The following PACS1 variants were observed in gnomAD, a reference collection of about 807,000 sequenced individuals.
The protein encoded by PACS1 is phosphofurin acidic cluster sorting protein 1.
Under a neutral mutation model 115.0 loss-of-function variants are expected in PACS1, and 24 were observed. The observed-to-expected ratio is 0.21, with a 90% CI of 0.15 to 0.29. PACS1 has a LOEUF of 0.29. Among genes scored for constraint, PACS1 ranks in the 10% least tolerant of loss-of-function variants. The pLI is 1.00. For synonymous variants in PACS1, 453 were observed against 504.5 expected (o/e 0.90, Z 1.37); for missense variants, 838 against 1,251.2 (o/e 0.67, Z 4.98).
At chr11:66,176,483 G>A (rs986189378) in intron 1 of PACS1, among the ~76,000 whole-genome samples, 2 of 148,842 alleles carry the variant, frequency 1.3e-5, no homozygotes, top group Admixed American at 6.7e-5. Flanking sequence ...GCGTGATCTC[G>A]GCTCACTGCA....
chr11:66,088,240 A>G (rs575726210), intron 1 of PACS1, among the ~76,000 whole-genome samples: 3 of 152,030 alleles, frequency 2.0e-5, no homozygotes, highest in East Asian at 1.9e-4. Flanking sequence ...GTGTCTTTCA[A>G]TGAACAGAAA....
intron 1 of PACS1, among the ~76,000 whole-genome samples, chr11:66,136,262 A>AACACACAC (rs71270571): frequency 2.1e-5 from 3 of 143,700 alleles, no homozygotes; most frequent in South Asian, 2.2e-4. Context: ...CAATCCCGCT[A>AACACACAC]ACACACACAC....
At chr11:66,220,052 C>T (rs1030258885) in intron 8 of PACS1, among the ~76,000 whole-genome samples, 6 of 152,098 alleles carry the variant, frequency 3.9e-5, no homozygotes, top group African/African-American at 4.8e-5. Flanking sequence ...TGGTGATGCG[C>T]AAGCCTCTGG....
chr11:66,128,808 C>T (rs551247098), intron 1 of PACS1, among the ~76,000 whole-genome samples: 5 of 151,006 alleles, frequency 3.3e-5, no homozygotes, highest in Admixed American at 6.6e-5. Flanking sequence ...CACTTGAACC[C>T]GTGAGGCGGA....
chr11:66,220,431 C>CT, intron 8 of PACS1, 200 bp from the exon 9 acceptor site: 1 of 581,066 alleles, frequency 1.7e-6, no homozygotes, highest in South Asian at 2.1e-5. Flanking sequence ...GTGGCAGGAA[C>CT]TGGGGGGAAG....
intron 1 of PACS1, among the ~76,000 whole-genome samples, chr11:66,132,097 C>A (rs1024182081): frequency 1.3e-5 from 2 of 152,156 alleles, no homozygotes; most frequent in African/African-American, 4.8e-5. Context: ...CCACTCAAAT[C>A]TCATCTTGAA....
At chr11:66,123,597 C>T (rs1293269721) in intron 1 of PACS1, among the ~76,000 whole-genome samples, 1 of 152,064 alleles carries the variant, frequency 6.6e-6, no homozygotes, top group Admixed American at 6.6e-5. Flanking sequence ...TCTCGGCTCA[C>T]TGCAAGCTCC....
intron 1 of PACS1, among the ~76,000 whole-genome samples, chr11:66,098,757 C>T (rs979567418): frequency 6.6e-6 from 1 of 152,162 alleles, no homozygotes; most frequent in African/African-American, 2.4e-5. Context: ...CTTTGTCATC[C>T]CGGTTGTTCT....
chr11:66,097,804 C>T (rs1857820167), intron 1 of PACS1, among the ~76,000 whole-genome samples: 1 of 152,088 alleles, frequency 6.6e-6, no homozygotes, highest in South Asian at 2.1e-4. Context: ...TTTGCATTTC[C>T]CTAATGACAT....
chr11:66,230,534 C>T lies in PACS1; in HGVS notation c.1375-14C>T. 1 of 1,594,488 alleles carries T rather than the reference C, an allele frequency of 6.3e-7. No individual in the cohort carries two copies. Among genetic ancestry groups the T allele is most frequent in the Non-Finnish European group, 8.6e-7 (1 of 1,162,136 alleles). On this transcript the variant is annotated splice_polypyrimidine_tract_variant and intron_variant, in intron 11 of 23. Transcript: ENST00000320580. ...TGGGAGGTCATCTTCACTGTTTCCT[C>T]TCCTCCATGGTAGGAAATCACTGAC...
At chr11:66,100,955 G>C (rs1257713262) in intron 1 of PACS1, 3 of 455,684 alleles carry the variant, frequency 6.6e-6, no homozygotes, top group Non-Finnish European at 1.3e-5. Flanking sequence ...TCCTCCTCCA[G>C]CGTGGAGAGT....
intron 21 of PACS1, 151 bp from the exon 22 acceptor site, chr11:66,241,276 A>C (rs1855808785): frequency 1.7e-6 from 1 of 583,258 alleles, no homozygotes; most frequent in African/African-American, 1.9e-5. Flanking sequence ...CTCCTCTCCT[A>C]CATGAGCTGC....
intron 1 of PACS1, among the ~76,000 whole-genome samples, chr11:66,105,184 G>A (rs1409606539): frequency 6.6e-6 from 1 of 152,142 alleles, no homozygotes; most frequent in African/African-American, 2.4e-5. Flanking sequence ...AACACTTTGG[G>A]AGGCCGAGGC....
At chr11:66,183,090 A>G (rs1057321799) in intron 1 of PACS1, among the ~76,000 whole-genome samples, 1 of 152,138 alleles carries the variant, frequency 6.6e-6, no homozygotes, top group Admixed American at 6.5e-5. Flanking sequence ...AGATCATCCC[A>G]CTGCACTCCA....
chr11:66,238,212 G>C (rs1373338525), intron 19 of PACS1: 1 of 985,152 alleles, frequency 1.0e-6, no homozygotes, highest in Non-Finnish European at 1.2e-6. Context: ...GAAGACCAGA[G>C]AGGAGAAGGC....
chr11:66,238,880 G>A, intron 20 of PACS1, 34 bp downstream of exon 20: 2 of 1,551,612 alleles, frequency 1.3e-6, no homozygotes, highest in South Asian at 1.2e-5. Context: ...TGTGGAGTGA[G>A]GCTGGTGCCC....
At chr11:66,095,621 C>T (rs1344137740) in intron 1 of PACS1, among the ~76,000 whole-genome samples, 1 of 152,126 alleles carries the variant, frequency 6.6e-6, no homozygotes, top group Non-Finnish European at 1.5e-5. Flanking sequence ...CCATGCCTGG[C>T]TAATTTTTGT....
chr11:66,171,184 G>A (rs1859729154), intron 1 of PACS1, among the ~76,000 whole-genome samples: 1 of 150,064 alleles, frequency 6.7e-6, no homozygotes, highest in Non-Finnish European at 1.5e-5. Context: ...TTATTTTTAA[G>A]ACATTTTATT....
At chr11:66,119,041 G>T (rs1451219695) in intron 1 of PACS1, among the ~76,000 whole-genome samples, 1 of 152,204 alleles carries the variant, frequency 6.6e-6, no homozygotes, top group Non-Finnish European at 1.5e-5. Flanking sequence ...CTGAGTGGGA[G>T]TGGGGGTGGC....
Sources: gnomAD v4.1 joint callset for allele counts (sites outside exome capture counted in the v4.1 genomes callset) on GRCh38, gnomAD v4.1.1 for gene constraint, MANE v1.5 for transcripts, NCBI Gene and HGNC (gene_info 2026-07-23, HGNC 2026-07-21) for gene names.